The following ANXA8 variants were observed in gnomAD, a reference collection of about 807,000 sequenced individuals.
ANXA8 encodes VAC-beta.
A neutral mutation model predicts 26.8 loss-of-function variants in ANXA8; 9 were observed. That is an observed-to-expected ratio of 0.34 (90% CI 0.20 to 0.59). ANXA8 has a LOEUF of 0.59. ANXA8 is among the 20% of genes least tolerant of loss of function. The pLI, the probability that ANXA8 is intolerant of heterozygous loss-of-function variation, is 0.84. For missense variants in ANXA8, 83 were observed against 238.5 expected, an observed-to-expected ratio of 0.35 and a Z score of 4.29; for synonymous variants, 39 against 94.8, an observed-to-expected ratio of 0.41 and a Z score of 3.42.
chr10:47,575,318 GATTTTTTA>G, the ANXA8 span, among the ~76,000 whole-genome samples: 3 of 60,030 alleles, frequency 5.0e-5, no homozygotes, highest in Non-Finnish European at 8.9e-5. Flanking sequence ...ATTGTTTTAT[GATTTTTTA>G]ATTTTTTAAC....
the ANXA8 span, among the ~76,000 whole-genome samples, chr10:47,681,234 C>T: frequency 1.8e-4 from 27 of 151,634 alleles, no homozygotes; most frequent in South Asian, 1.2e-3. Flanking sequence ...AAGTAGAGCA[C>T]GGGGAAAAAG....
chr10:47,595,188 G>A, the ANXA8 span, among the ~76,000 whole-genome samples: 4,968 of 146,838 alleles, frequency 0.034, 548 homozygotes, highest in African/African-American at 0.13. Context: ...ACGAAGGAGA[G>A]ATTGAGTCTT....
chr10:47,957,462 C>A, the ANXA8 span, among the ~76,000 whole-genome samples: 2 of 150,578 alleles, frequency 1.3e-5, no homozygotes, highest in Non-Finnish European at 2.9e-5. Context: ...TGGTCCCGGC[C>A]TCAGTCAGGC....
At chr10:47,918,397 G>GA in the ANXA8 span, among the ~76,000 whole-genome samples, 33 of 24,178 alleles carry the variant, frequency 1.4e-3, 5 homozygotes, top group Non-Finnish European at 2.1e-3. Context: ...AAGAAAGAAA[G>GA]AAAGAAAGAA....
chr10:47,750,847 C>T, the ANXA8 span: 2 of 151,684 alleles, frequency 1.3e-5, no homozygotes, highest in African/African-American at 4.9e-5. Flanking sequence ...TAAACCTGCA[C>T]ACACACACAA....
At chr10:47,576,810 T>C in the ANXA8 span, among the ~76,000 whole-genome samples, 1 of 150,226 alleles carries the variant, frequency 6.7e-6, no homozygotes, top group African/African-American at 2.5e-5. Context: ...TGAGCCACTG[T>C]GCCTGGCCTA....
At chr10:47,653,276 C>T in the ANXA8 span, among the ~76,000 whole-genome samples, 5 of 149,538 alleles carry the variant, frequency 3.3e-5, no homozygotes, top group Non-Finnish European at 7.4e-5. Context: ...TGCGCCACTG[C>T]ACTCCAGCCT....
the ANXA8 span, among the ~76,000 whole-genome samples, chr10:47,671,292 C>T: frequency 2.0e-5 from 3 of 151,690 alleles, no homozygotes; most frequent in South Asian, 2.1e-4. Flanking sequence ...CTTGGTGGTG[C>T]GTGCCTGTAG....
the ANXA8 span, among the ~76,000 whole-genome samples, chr10:47,583,741 T>C: frequency 6.8e-6 from 1 of 146,800 alleles, no homozygotes; most frequent in Non-Finnish European, 1.5e-5. Context: ...CCCTTAGGCC[T>C]AGAATTTTTG....
the ANXA8 span, among the ~76,000 whole-genome samples, chr10:47,593,413 A>C: frequency 6.7e-6 from 1 of 149,918 alleles, no homozygotes; most frequent in Admixed American, 6.6e-5. Flanking sequence ...GCACTGTTGC[A>C]GATGCAACAA....
At chr10:47,504,846 CTTTTTTTTTTTTTT>C in the ANXA8 span, among the ~76,000 whole-genome samples, 26 of 46,838 alleles carry the variant, frequency 5.6e-4, no homozygotes, top group East Asian at 0.013. Context: ...CATAACTGTT[CTTTTTTTTTTTTTT>C]TTTTTTTTTT....
chr10:47,506,639 C>T, the ANXA8 span, among the ~76,000 whole-genome samples: 4 of 139,938 alleles, frequency 2.9e-5, 1 homozygote, highest in African/African-American at 7.7e-5. Flanking sequence ...CAGCTTATTG[C>T]TTTTTTTGTT....
At chr10:47,959,709 CAA>C in the ANXA8 span, among the ~76,000 whole-genome samples, 7 of 148,954 alleles carry the variant, frequency 4.7e-5, no homozygotes, top group Non-Finnish European at 8.9e-5. Context: ...AACCTCACTT[CAA>C]AGTCATGGTC....
At chr10:47,489,942 C>G in the ANXA8 span, among the ~76,000 whole-genome samples, 1 of 150,646 alleles carries the variant, frequency 6.6e-6, no homozygotes, top group African/African-American at 2.5e-5. Flanking sequence ...GACGCCAGGG[C>G]CTTGGCTGCT....
chr10:47,736,841 GAC>G, the ANXA8 span, among the ~76,000 whole-genome samples: 2 of 148,298 alleles, frequency 1.3e-5, no homozygotes, highest in Non-Finnish European at 3.0e-5. Flanking sequence ...TTTTAGTAGA[GAC>G]AGGATTTTGC....
the ANXA8 span, among the ~76,000 whole-genome samples, chr10:47,509,023 A>G: frequency 7.4e-6 from 1 of 135,100 alleles, no homozygotes; most frequent in Non-Finnish European, 1.5e-5. Context: ...TATTTCACCA[A>G]TAGTGAATAC....
chr10:47,711,621 T>C, the ANXA8 span, among the ~76,000 whole-genome samples: 2 of 147,408 alleles, frequency 1.4e-5, no homozygotes, highest in Non-Finnish European at 2.9e-5. Flanking sequence ...CTGACAAACA[T>C]GTATCAGTGA....
At chr10:47,733,161 CTTT>C in the ANXA8 span, among the ~76,000 whole-genome samples, 2 of 96,904 alleles carry the variant, frequency 2.1e-5, no homozygotes, top group Admixed American at 1.1e-4. Flanking sequence ...TTCTTTCTTT[CTTT>C]CTTTCTTTCT....
At chr10:47,743,342 A>ACATATATATATATACG in the ANXA8 span, among the ~76,000 whole-genome samples, 1 of 9,836 alleles carries the variant, frequency 1.0e-4, no homozygotes, top group African/African-American at 2.7e-4. Context: ...ATATATATAC[A>ACATATATATATATACG]TATATATATA....
Sources: allele counts gnomAD v4.1 joint callset (sites outside exome capture counted in the v4.1 genomes callset), GRCh38; gene constraint gnomAD v4.1.1; transcripts MANE v1.5; gene names NCBI Gene and HGNC (gene_info 2026-07-23, HGNC 2026-07-21).